LHFPL1: variants seen among roughly 807,000 people sequenced by gnomAD.
LHFPL1 encodes LHFPL tetraspan subfamily member 1, also known as LHFPL tetraspan subfamily member 1 protein.
In LHFPL1, 4 loss-of-function variants were observed where a neutral mutation model predicts 12.1. The observed-to-expected ratio is 0.33, with a 90% confidence interval of 0.16 to 0.76. The LOEUF (loss-of-function observed/expected upper bound fraction) is 0.76, where lower values mean the gene tolerates loss of function less well. Ranked by LOEUF, LHFPL1 falls within the 30% of genes least tolerant of loss-of-function variation. The pLI is 0.61. For missense variants in LHFPL1, 141 were observed against 174.1 expected (o/e 0.81, Z 1.07); for synonymous variants, 52 against 61.9 (o/e 0.84, Z 0.75).
intron 3 of LHFPL1, among the ~76,000 whole-genome samples, chrX:112,642,156 C>A (rs1930526294): frequency 9.4e-6 from 1 of 106,425 alleles, no homozygotes; most frequent in Non-Finnish European, 1.9e-5. Flanking sequence ...CGTTTGAAAC[C>A]CATTTCACTT....
chrX:112,655,084 T>C (rs1029204246), intron 3 of LHFPL1, among the ~76,000 whole-genome samples: 3 of 112,220 alleles, frequency 2.7e-5, no homozygotes. Flanking sequence ...AAACTTTTTA[T>C]ATGATGACTC....
chrX:112,666,416 C>A (rs1931335068), intron 2 of LHFPL1, among the ~76,000 whole-genome samples: 1 of 111,389 alleles, frequency 9.0e-6, no homozygotes, highest in Non-Finnish European at 1.9e-5. Context: ...AGAAGGGCTG[C>A]ATTGGACCTG....
intron 3 of LHFPL1, among the ~76,000 whole-genome samples, chrX:112,639,297 C>A (rs756392266): frequency 8.1e-5 from 9 of 110,521 alleles, no homozygotes; most frequent in Non-Finnish European, 1.3e-4. Flanking sequence ...ATTCCAGAAG[C>A]CTGCCAGGCT....
intron 3 of LHFPL1, among the ~76,000 whole-genome samples, chrX:112,644,480 T>TAC (rs35363305): frequency 7.2e-5 from 8 of 110,634 alleles, no homozygotes; most frequent in African/African-American, 2.6e-4. Context: ...TGTGTGTGTG[T>TAC]ACACATTAAG....
chrX:112,634,496 G>C (rs942908326), intron 3 of LHFPL1, among the ~76,000 whole-genome samples: 8 of 111,916 alleles, frequency 7.1e-5, no homozygotes, highest in African/African-American at 2.6e-4. Context: ...CTCTCATTCT[G>C]TTTCTTCAGC....
chrX:112,677,133 C>T (rs1234888632), intron 1 of LHFPL1, among the ~76,000 whole-genome samples: 1 of 111,769 alleles, frequency 8.9e-6, no homozygotes, highest in East Asian at 2.8e-4. Flanking sequence ...AAAGCTATTC[C>T]TTCCTGTATC....
chrX:112,631,179 T>G lies in LHFPL1; in HGVS notation c.*241A>C. The G allele has an allele frequency of 3.3e-6, 1 of 304,958 alleles. No individual in the cohort carries two copies. The highest frequency in any genetic ancestry group is 5.8e-6 in the Non-Finnish European group (1 of 172,207). The allele number at this position is 304,958 out of a possible 1,213,427, so 25.1% of individuals were successfully genotyped here. A position where few individuals can be genotyped will look rare whatever the true frequency, so the allele number is the denominator to read the frequency against. On this transcript the variant is annotated 3_prime_UTR_variant, in exon 4 of 4. Transcript: ENST00000371968. ...TTGCATAAAGGGGTACTTTGGGTCT[T>G]CGGGTTAGCACGACTTGCCAGTTGG...
At chrX:112,679,687 G>C (rs1310156782) in intron 1 of LHFPL1, 142 bp downstream of exon 1, 1 of 111,757 alleles carries the variant, frequency 8.9e-6, no homozygotes, top group Non-Finnish European at 1.9e-5. Context: ...CCCTCGGGTA[G>C]AAAACGGCTT....
chrX:112,672,620 T>G (rs1426873350), intron 1 of LHFPL1, among the ~76,000 whole-genome samples: 1 of 109,073 alleles, frequency 9.2e-6, no homozygotes. Context: ...GGGAAGGAGG[T>G]TGGGGGACCC....
chrX:112,650,905 T>C (rs976838608), intron 3 of LHFPL1, among the ~76,000 whole-genome samples: 2 of 112,326 alleles, frequency 1.8e-5, no homozygotes, highest in African/African-American at 3.2e-5. Flanking sequence ...ATTTCCATCA[T>C]TGCAAAAACT....
At chrX:112,674,185 G>A (rs1270028000) in intron 1 of LHFPL1, among the ~76,000 whole-genome samples, 3 of 111,625 alleles carry the variant, frequency 2.7e-5, no homozygotes, top group Non-Finnish European at 5.6e-5. Flanking sequence ...AAAACATAAA[G>A]TGGGGAAAGG....
intron 3 of LHFPL1, among the ~76,000 whole-genome samples, chrX:112,658,864 A>G (rs747827728): frequency 8.9e-6 from 1 of 112,203 alleles, no homozygotes; most frequent in African/African-American, 3.2e-5. Flanking sequence ...CAAAAAGTAG[A>G]AACAATTCAA....
chrX:112,640,905 GT>G (rs1930487534), intron 3 of LHFPL1, among the ~76,000 whole-genome samples: 1 of 111,064 alleles, frequency 9.0e-6, no homozygotes, highest in African/African-American at 3.3e-5. Context: ...ATTCTTTGTA[GT>G]TTTTACAATG....
At chrX:112,639,817 A>T (rs139989325) in intron 3 of LHFPL1, among the ~76,000 whole-genome samples, 2,069 of 112,047 alleles carry the variant, frequency 0.018, 29 homozygotes, top group Non-Finnish European at 0.03. Flanking sequence ...GCCTCTGAAA[A>T]ACACTTCTGG....
chrX:112,672,011 G>A (rs950368351), intron 1 of LHFPL1, among the ~76,000 whole-genome samples: 5 of 111,488 alleles, frequency 4.5e-5, no homozygotes, highest in Admixed American at 9.5e-5. Context: ...GTTAGTGCGC[G>A]CTTTTCAACT....
At chrX:112,639,134 G>T (rs1024198185) in intron 3 of LHFPL1, among the ~76,000 whole-genome samples, 1 of 111,131 alleles carries the variant, frequency 9.0e-6, no homozygotes, top group African/African-American at 3.3e-5. Flanking sequence ...CAAAGCCAAC[G>T]AATTCAAGAG....
At chrX:112,636,727 T>C (rs767975975) in intron 3 of LHFPL1, among the ~76,000 whole-genome samples, 1 of 112,158 alleles carries the variant, frequency 8.9e-6, no homozygotes, top group Admixed American at 9.4e-5. Context: ...AGGTCTCAGC[T>C]CTTTAACCCT....
chrX:112,643,163 G>A (rs1325057104), intron 3 of LHFPL1, among the ~76,000 whole-genome samples: 4 of 106,140 alleles, frequency 3.8e-5, no homozygotes, highest in African/African-American at 6.9e-5. Context: ...GGTGGATCAC[G>A]AGGTCAGGAG....
In LHFPL1 at chrX:112,675,609, C is replaced by T. The variant is rs144152713; in HGVS notation, c.-14-4205G>A. Among the ~76,000 whole-genome samples, 848 of 112,264 alleles carry T rather than the reference C, an allele frequency of 7.6e-3. 9 individuals are homozygous for T. Among genetic ancestry groups the T allele is most frequent in the African/African-American group, 0.026 (808 of 30,884 alleles). On this transcript the variant is annotated intron_variant, in intron 1 of 3. Transcript: ENST00000371968. ...GAAGTACTTTCAACTTTAGGAAAAA[C>T]GCATAGTCCTTATTTCATTTATGAC...
Sources: gnomAD v4.1 joint callset for allele counts (sites outside exome capture counted in the v4.1 genomes callset) on GRCh38, gnomAD v4.1.1 for gene constraint, MANE v1.5 for transcripts, NCBI Gene and HGNC (gene_info 2026-07-23, HGNC 2026-07-21) for gene names.